C6orf52: variants seen among roughly 807,000 people sequenced by gnomAD.
C6orf52 encodes chromosome 6 open reading frame 52.
C6orf52 carries 16 observed loss-of-function variants against 16.6 expected under a neutral mutation model. That is an observed-to-expected ratio of 0.96 (90% CI 0.65 to 1.46). The LOEUF (loss-of-function observed/expected upper bound fraction) is 1.46. Among genes scored for constraint, C6orf52 ranks in the 40% most tolerant of loss-of-function variants. C6orf52 has a pLI of 0.00. For synonymous variants in C6orf52, 53 were observed against 61.4 expected (o/e 0.86, Z 0.64); for missense variants, 166 against 182.3 (o/e 0.91, Z 0.52).
intron 4 of C6orf52, among the ~76,000 whole-genome samples, chr6:10,679,505 C>T (rs937677048): frequency 3.3e-5 from 5 of 150,658 alleles, no homozygotes; most frequent in Non-Finnish European, 5.9e-5. Flanking sequence ...AAGCACATAC[C>T]GTTTGCGAAA....
chr6:10,671,509 A>T lies in C6orf52; in HGVS notation c.406T>A (p.Trp136Arg), dbSNP rs1321840235. The T allele has an allele frequency of 6.4e-7, 1 of 1,551,032 alleles. No individual in the cohort carries two copies. The highest frequency in any genetic ancestry group is 1.4e-5 in the African/African-American group (1 of 73,002). The change falls in exon 5 of 5, where the codon TGG becomes AGG. Residue 136 changes from tryptophan (W) to arginine (R), a missense_variant. Transcript: ENST00000259983. ...GAGTGAACTGTGTCCAGAGGCTGCC[A>T]GTGGCAATTCATGAGGGAGTCGTAG... ...ELYDSLMNCH[W>R]QPLDTVHSEI... is the part of the protein sequence containing the mutation.
chr6:10,674,007 A>C (rs1284526730), intron 4 of C6orf52, among the ~76,000 whole-genome samples: 1 of 152,212 alleles, frequency 6.6e-6, no homozygotes, highest in Non-Finnish European at 1.5e-5. Context: ...ACTAGTTCGT[A>C]AACAACACAC....
chr6:10,687,416 A>G (rs893816025), intron 2 of C6orf52, 64 bp downstream of exon 2: 9 of 1,231,654 alleles, frequency 7.3e-6, no homozygotes, highest in Middle Eastern at 3.7e-4. Context: ...GTAAGTTACC[A>G]ACAGTTATGT....
At chr6:10,672,969 C>G (rs561176738) in intron 4 of C6orf52, among the ~76,000 whole-genome samples, 157 of 152,354 alleles carry the variant, frequency 1.0e-3, no homozygotes, top group African/African-American at 3.5e-3. Context: ...CATATAAATT[C>G]CATGAGCTAC....
At chr6:10,693,456 G>A (rs1769535775) in intron 1 of C6orf52, among the ~76,000 whole-genome samples, 1 of 152,174 alleles carries the variant, frequency 6.6e-6, no homozygotes, top group East Asian at 1.9e-4. Flanking sequence ...AATCATTTCT[G>A]CAAGACCCAA....
rs1362623293 is a variant in C6orf52 at position 10,678,543 on chromosome 6, A to G, written c.316+4644T>C. 3.3e-5 allele frequency among the ~76,000 whole-genome samples: 5 copies of G among 152,362 alleles called. No individual in the cohort carries two copies. The East Asian group carries it at 9.6e-4, about 29-fold the overall frequency. On this transcript the variant is annotated intron_variant, in intron 4 of 4. Coordinates refer to ENST00000259983, the MANE Select transcript of C6orf52 (RefSeq NM_001145020.3). Reference sequence around the variant, plus strand: ...GCAGAGTCTGTAGGGTTTTCTCTACAGGCATACCTCAGAGATATTGCAGGT... The same window carrying G: ...GCAGAGTCTGTAGGGTTTTCTCTACGGGCATACCTCAGAGATATTGCAGGT...
chr6:10,683,080 C>A, intron 4 of C6orf52, 107 bp downstream of exon 4: 2 of 709,994 alleles, frequency 2.8e-6, no homozygotes, highest in Non-Finnish European at 4.6e-6. Flanking sequence ...AGGCAACCTA[C>A]ATTGGAATTT....
Position 10,687,120 on chromosome 6 carries a change from T to C in C6orf52, c.116A>G (p.Gln39Arg), listed in dbSNP as rs1028438361. ...IRVKQEFQPS[Q>R]SYRYGNWYAR... ...ATACCAGTTGCCATAGCGGTAACTCTGGCTGGGCTGGAACTCCTGCTTCAC... is the reference window on the plus strand; with the variant it reads ...ATACCAGTTGCCATAGCGGTAACTCCGGCTGGGCTGGAACTCCTGCTTCAC... Residue 39 changes from glutamine to arginine, a missense_variant, in exon 3 of 5, where the codon CAG becomes CGG. Transcript: ENST00000259983. 1.9e-6 allele frequency: 3 copies of C among 1,551,922 alleles called. No individual in the cohort carries two copies. In the South Asian group the frequency reaches 3.6e-5, roughly 18 times the overall value.
chr6:10,680,653 A>G (rs896788214), intron 4 of C6orf52, among the ~76,000 whole-genome samples: 2 of 152,086 alleles, frequency 1.3e-5, no homozygotes, highest in East Asian at 3.8e-4. Flanking sequence ...GCCCTTGGGG[A>G]GGCAGAGCTG....
Position 10,686,999 on chromosome 6 carries a change from A to AG in C6orf52, c.236dup (p.Glu80Ter). Reference sequence around the variant, plus strand: ...TAACCAGAGTTCCAGCTGTGTGTTCAGGGGTCTCATGCGCAGAAAAACAGT... The same window carrying AG: ...TAACCAGAGTTCCAGCTGTGTGTTCAGGGGGTCTCATGCGCAGAAAAACAGT... On this transcript the variant is annotated frameshift_variant, in exon 3 of 5. Coordinates refer to ENST00000259983, the MANE Select transcript of C6orf52 (RefSeq NM_001145020.3). LOFTEE classifies it high-confidence loss of function. 6.4e-7 allele frequency: 1 copy of AG among 1,551,288 alleles called. No individual in the cohort carries two copies. The highest frequency in any genetic ancestry group is 8.7e-7 in the Non-Finnish European group (1 of 1,146,772).
chr6:10,684,921 T>A (rs1768732101), intron 3 of C6orf52: 1 of 1,279,714 alleles, frequency 7.8e-7, no homozygotes, highest in Non-Finnish European at 1.0e-6. Flanking sequence ...GCACAGGGGG[T>A]CACTACAGCC....
At position 10,694,607 on chromosome 6, in the gene C6orf52, GCC is replaced by G; in HGVS notation, c.-127_-126del. On this transcript the variant is annotated 5_prime_UTR_variant, in exon 1 of 5. Coordinates refer to ENST00000259983, the MANE Select transcript of C6orf52 (RefSeq NM_001145020.3). ...CGGCGCTACAGCCCCTAAGCAACCG[GCC>G]GGAAGTCGGCCCCACCTCCTCCTGA... 5.1e-6 allele frequency: 1 copy of G among 197,422 alleles called. No homozygotes were observed. Among genetic ancestry groups the G allele is most frequent in the South Asian group, 7.3e-5 (1 of 13,758 alleles). The allele number at this position is 197,422 out of a possible 1,614,324, so 12.2% of individuals were successfully genotyped here. A position where few individuals can be genotyped will look rare whatever the true frequency, so the allele number is the denominator to read the frequency against.
At chr6:10,679,170 T>C (rs936813975) in intron 4 of C6orf52, among the ~76,000 whole-genome samples, 2 of 152,052 alleles carry the variant, frequency 1.3e-5, no homozygotes, top group African/African-American at 4.8e-5. Context: ...CTGGGCACGG[T>C]GGCTCATGCC....
intron 1 of C6orf52, among the ~76,000 whole-genome samples, chr6:10,688,101 A>G (rs990410649): frequency 2.0e-5 from 3 of 151,010 alleles, no homozygotes; most frequent in Non-Finnish European, 4.4e-5. Flanking sequence ...GCAGAGAAGA[A>G]CGCGCTCCCT....
At chr6:10,686,425 T>C (rs936388681) in intron 3 of C6orf52, among the ~76,000 whole-genome samples, 2 of 152,056 alleles carry the variant, frequency 1.3e-5, no homozygotes, top group Admixed American at 6.6e-5. Flanking sequence ...AGGAGGGGTG[T>C]GTGTGGGGGG....
chr6:10,693,247 G>A (rs2127475076), intron 1 of C6orf52, among the ~76,000 whole-genome samples: 1 of 152,346 alleles, frequency 6.6e-6, no homozygotes, highest in Non-Finnish European at 1.5e-5. Flanking sequence ...GGACAAATAT[G>A]TCTGCTTTTC....
intron 4 of C6orf52, among the ~76,000 whole-genome samples, chr6:10,677,784 T>G (rs963625138): frequency 2.0e-5 from 3 of 151,766 alleles, no homozygotes; most frequent in African/African-American, 4.8e-5. Flanking sequence ...TCCTCCCACC[T>G]GAGCCTCCCA....
At chr6:10,680,853 T>C (rs760273344) in intron 4 of C6orf52, among the ~76,000 whole-genome samples, 25 of 152,174 alleles carry the variant, frequency 1.6e-4, no homozygotes, top group Admixed American at 4.6e-4. Flanking sequence ...CAGGCTGACA[T>C]GCAGTGGCAC....
At chr6:10,672,721 C>A in intron 4 of C6orf52, 2 of 527,466 alleles carry the variant, frequency 3.8e-6, no homozygotes, top group South Asian at 2.8e-5. Flanking sequence ...ATAAAGAGGT[C>A]AAGTGTGGAA....
Sources: allele counts gnomAD v4.1 joint callset (sites outside exome capture counted in the v4.1 genomes callset), GRCh38; gene constraint gnomAD v4.1.1; transcripts MANE v1.5; gene names NCBI Gene and HGNC (gene_info 2026-07-23, HGNC 2026-07-21).